CRB1: variants seen among roughly 807,000 people sequenced by gnomAD.
CRB1 encodes the protein crumbs cell polarity complex component 1.
CRB1 carries 83 observed loss-of-function variants against 120.0 expected under a neutral mutation model. The observed-to-expected ratio is 0.69, with a 90% CI of 0.58 to 0.83. CRB1 has a LOEUF of 0.83. CRB1 is among the 40% of genes least tolerant of loss of function. The pLI, the probability that CRB1 is intolerant of heterozygous loss-of-function variation, is 0.00. For synonymous variants in CRB1, 625 were observed against 612.5 expected (o/e 1.02, Z -0.30); for missense variants, 1,699 against 1,687.6 (o/e 1.01, Z -0.12).
intron 5 of CRB1, among the ~76,000 whole-genome samples, chr1:197,377,783 C>G (rs35367258): frequency 0.25 from 38,371 of 151,938 alleles, 5,306 homozygotes; most frequent in Middle Eastern, 0.39. Context: ...ATGAGAAAGG[C>G]TTTTGTTAAA....
chr1:197,357,186 C>T (rs1660532137), intron 5 of CRB1, 173 bp downstream of exon 5: 1 of 702,968 alleles, frequency 1.4e-6, no homozygotes, highest in Non-Finnish European at 2.6e-6. Flanking sequence ...TTTCAGAATT[C>T]CTCAAATCAC....
At chr1:197,326,769 C>A (rs998949501) in intron 1 of CRB1, among the ~76,000 whole-genome samples, 1 of 151,902 alleles carries the variant, frequency 6.6e-6, no homozygotes, top group Non-Finnish European at 1.5e-5. Flanking sequence ...CCTGACCATT[C>A]CCAGGTAATT....
the CRB1 span, among the ~76,000 whole-genome samples, chr1:197,210,344 G>A: frequency 1.3e-5 from 2 of 152,156 alleles, no homozygotes; most frequent in African/African-American, 4.8e-5. Context: ...CCTCCATAAT[G>A]TGGTAGGCCT....
At chr1:197,346,690 T>A (rs904635191) in intron 3 of CRB1, among the ~76,000 whole-genome samples, 1 of 152,236 alleles carries the variant, frequency 6.6e-6, no homozygotes, top group Admixed American at 6.5e-5. Flanking sequence ...CTCCTCTTAA[T>A]AAAATCAACA....
intron 1 of CRB1, among the ~76,000 whole-genome samples, chr1:197,311,439 A>C (rs1657512609): frequency 6.6e-6 from 1 of 152,204 alleles, no homozygotes; most frequent in African/African-American, 2.4e-5. Context: ...TTGTAAGATG[A>C]ATAACCCCTG....
chr1:197,342,395 C>T (rs543403462), intron 2 of CRB1, among the ~76,000 whole-genome samples: 2 of 152,182 alleles, frequency 1.3e-5, no homozygotes, highest in African/African-American at 2.4e-5. Context: ...TGTCATTGCT[C>T]TCTAAACATT....
intron 1 of CRB1, among the ~76,000 whole-genome samples, chr1:197,323,897 C>A (rs1247713619): frequency 6.6e-6 from 1 of 152,068 alleles, no homozygotes; most frequent in Non-Finnish European, 1.5e-5. Flanking sequence ...GAAAAAGAAA[C>A]CTTTGAACCG....
the CRB1 span, among the ~76,000 whole-genome samples, chr1:197,245,276 A>T: frequency 3.3e-5 from 5 of 151,822 alleles, no homozygotes; most frequent in East Asian, 3.9e-4. Context: ...GGCTTTAAAA[A>T]TTTTTTTCAC....
the CRB1 span, among the ~76,000 whole-genome samples, chr1:197,211,197 C>T: frequency 1.3e-5 from 2 of 152,104 alleles, no homozygotes; most frequent in Admixed American, 6.5e-5. Context: ...TCTAACAACA[C>T]GTTAAAACCG....
At chr1:197,221,786 C>T in the CRB1 span, among the ~76,000 whole-genome samples, 8 of 152,150 alleles carry the variant, frequency 5.3e-5, no homozygotes, top group Non-Finnish European at 8.8e-5. Flanking sequence ...CTTTGTATAT[C>T]TAACCACCTA....
rs888455609 is a variant in CRB1 at position 197,347,261 on chromosome 1, G to C, written c.849-79G>C. The stretch of plus-strand genomic sequence containing the variant: ...TGATGCCATGGGTCTTGGGTTGATA[G>C]ACAGTTGAAGAAACAGTATAAAGAT... On this transcript the variant is annotated intron_variant, in intron 3 of 11. Coordinates refer to ENST00000367400, the MANE Select transcript of CRB1 (RefSeq NM_201253.3). 3.0e-5 allele frequency: 40 copies of C among 1,316,620 alleles called. No homozygotes were observed. The African/African-American group carries it at 5.6e-4, about 19-fold the overall frequency. 81.6% of individuals were successfully genotyped at this position (1,316,620 alleles called of 1,614,324 possible).
chr1:197,205,897 T>C, the CRB1 span, among the ~76,000 whole-genome samples: 1 of 151,408 alleles, frequency 6.6e-6, no homozygotes, highest in Non-Finnish European at 1.5e-5. Context: ...TTTTTTTTTT[T>C]GTAGGCAGTT....
chr1:197,342,795 C>A (rs966522561), intron 2 of CRB1, among the ~76,000 whole-genome samples: 2 of 152,172 alleles, frequency 1.3e-5, no homozygotes, highest in African/African-American at 2.4e-5. Context: ...GTAATACCTA[C>A]CATTGATGTA....
intron 11 of CRB1, among the ~76,000 whole-genome samples, chr1:197,455,448 C>A (rs1464872041): frequency 3.3e-5 from 5 of 152,118 alleles, no homozygotes; most frequent in African/African-American, 4.8e-5. Context: ...ACCCAGATAC[C>A]ATGCCGTTGT....
chr1:197,330,960 C>T (rs942994264), intron 2 of CRB1, among the ~76,000 whole-genome samples: 2 of 151,992 alleles, frequency 1.3e-5, no homozygotes, highest in Non-Finnish European at 2.9e-5. Context: ...TTTGGGAGGC[C>T]GAGGCGGGAG....
chr1:197,461,584 C>T (rs540885473), intron 11 of CRB1, among the ~76,000 whole-genome samples: 20 of 152,112 alleles, frequency 1.3e-4, no homozygotes, highest in African/African-American at 2.9e-4. Flanking sequence ...GCTAGAGAGA[C>T]GTATAACAAG....
At chr1:197,448,464 T>C (rs1665806139) in intron 11 of CRB1, among the ~76,000 whole-genome samples, 1 of 151,858 alleles carries the variant, frequency 6.6e-6, no homozygotes, top group Non-Finnish European at 1.5e-5. Flanking sequence ...ACAATTTGGG[T>C]TCAAGCCCTT....
At chr1:197,423,955 CTGTT>C (rs1477686735) in intron 6 of CRB1, among the ~76,000 whole-genome samples, 6 of 152,282 alleles carry the variant, frequency 3.9e-5, no homozygotes, top group African/African-American at 4.8e-5. Context: ...CTTGTGTTGA[CTGTT>C]TGTAAGAACA....
intron 5 of CRB1, chr1:197,363,903 C>G (rs1319105325): frequency 8.3e-7 from 1 of 1,203,322 alleles, no homozygotes; most frequent in Non-Finnish European, 1.2e-6. Flanking sequence ...TAAACAGAAT[C>G]CTCACTACGG....
Sources: gnomAD v4.1 joint callset for allele counts (sites outside exome capture counted in the v4.1 genomes callset) on GRCh38, gnomAD v4.1.1 for gene constraint, MANE v1.5 for transcripts, NCBI Gene and HGNC (gene_info 2026-07-23, HGNC 2026-07-21) for gene names.